The following SEC63 variants were observed in gnomAD, a reference collection of about 807,000 sequenced individuals.
The protein encoded by SEC63 is translocation protein SEC63 homolog.
Under a neutral mutation model 116.2 loss-of-function variants are expected in SEC63, and 56 were observed. The ratio of observed to expected loss-of-function variants is 0.48; its 90% CI spans 0.39 to 0.60. The LOEUF is 0.60. Ranked by LOEUF, SEC63 falls within the 20% of genes least tolerant of loss-of-function variation. The probability of loss-of-function intolerance (pLI) is 0.00; values close to 1 mark genes in which losing one functional copy is unlikely to be tolerated. For synonymous variants in SEC63, 273 were observed against 294.6 expected, an observed-to-expected ratio of 0.93 and a Z score of 0.75; for missense variants, 668 against 900.0, an observed-to-expected ratio of 0.74 and a Z score of 3.30.
intron 2 of SEC63, among the ~76,000 whole-genome samples, chr6:107,927,556 C>CCCTTAAT (rs1338632259): frequency 1.3e-5 from 2 of 152,174 alleles, no homozygotes; most frequent in African/African-American, 4.8e-5. Flanking sequence ...TACCTAAACT[C>CCCTTAAT]CCTTAATCTG....
chr6:107,928,836 T>C (rs893212899), intron 2 of SEC63, among the ~76,000 whole-genome samples: 1 of 152,214 alleles, frequency 6.6e-6, no homozygotes, highest in African/African-American at 2.4e-5. Flanking sequence ...CTGCTGTAAC[T>C]AAACATGTTA....
chr6:107,925,064 C>T, intron 2 of SEC63, 132 bp from the exon 3 acceptor site: 1 of 693,778 alleles, frequency 1.4e-6, no homozygotes. Flanking sequence ...ATTCTACAAT[C>T]ACTGGGTTAC....
At chr6:107,874,417 A>AC (rs1408847471) in intron 19 of SEC63, among the ~76,000 whole-genome samples, 1 of 152,010 alleles carries the variant, frequency 6.6e-6, no homozygotes, top group Admixed American at 6.6e-5. Flanking sequence ...ACACAGTGAA[A>AC]CCCCGTCTCT....
rs376045269 is a variant in SEC63 at position 107,899,350 on chromosome 6, C to T, written c.1358-1619G>A. Among the ~76,000 whole-genome samples, 5 of 152,248 alleles carry T rather than the reference C, an allele frequency of 3.3e-5. No individual in the cohort carries two copies. In the East Asian group the frequency reaches 5.8e-4, roughly 18 times the overall value. ...GGAGTGGATCCATGGTAATATTTGT[C>T]AGTGAGGCCGAACACTCTTAAATTT... On this transcript the variant is annotated intron_variant, in intron 13 of 20. Coordinates refer to ENST00000369002, the MANE Select transcript of SEC63 (RefSeq NM_007214.5).
At chr6:107,887,492 G>A (rs1296642448) in intron 16 of SEC63, among the ~76,000 whole-genome samples, 2 of 147,092 alleles carry the variant, frequency 1.4e-5, no homozygotes, top group African/African-American at 2.5e-5. Context: ...GTAAACTATT[G>A]CAAGAACAAA....
chr6:107,881,421 A>T (rs1474569565), intron 17 of SEC63, among the ~76,000 whole-genome samples, 171 bp from the exon 18 acceptor site: 1 of 152,122 alleles, frequency 6.6e-6, no homozygotes, highest in African/African-American at 2.4e-5. Context: ...TTTTAAATAT[A>T]TTAAATCTAA....
In SEC63 at chr6:107,957,942, A is replaced by G. The variant is rs1562346595; in HGVS notation, c.68T>C (p.Val23Ala). ...TGTCGCCGGGATCACGATGAGCCCC[A>G]CGAAGGAGGTGAGGAAGTAGAAGAA... The part of the protein sequence containing the change: ...NTFFYFLTSF[V>A]GLIVIPATYY... The change falls in exon 1 of 21, where the codon GTG becomes GCG. Residue 23 changes from valine to alanine, a missense_variant. Coordinates refer to ENST00000369002, the MANE Select transcript of SEC63 (RefSeq NM_007214.5). 1 of 1,613,360 alleles carries G rather than the reference A, an allele frequency of 6.2e-7. No homozygotes were observed. The highest frequency in any genetic ancestry group is 8.5e-7 in the Non-Finnish European group (1 of 1,179,576).
rs1770750941 is a variant in SEC63 at position 107,958,083 on chromosome 6, C to T, written c.-74G>A. ...CGCTCTGCACTCCCGCTCCCAACGC[C>T]CCGGCCCGAGTGGCGTAGCTTGGAC... On this transcript the variant is annotated 5_prime_UTR_variant, in exon 1 of 21. Transcript: ENST00000369002. The T allele has an allele frequency of 6.9e-6, 11 of 1,596,368 alleles. No individual in the cohort carries two copies. The highest frequency in any genetic ancestry group is 1.3e-5 in the African/African-American group (1 of 74,346).
chr6:107,914,947 C>G (rs532067378), intron 4 of SEC63, among the ~76,000 whole-genome samples: 1 of 152,126 alleles, frequency 6.6e-6, no homozygotes, highest in African/African-American at 2.4e-5. Flanking sequence ...ATTACATTAA[C>G]TCACTCATTA....
intron 4 of SEC63, among the ~76,000 whole-genome samples, chr6:107,920,556 T>C (rs971639183): frequency 2.0e-5 from 3 of 152,176 alleles, no homozygotes; most frequent in Non-Finnish European, 4.4e-5. Context: ...CAATATTTGC[T>C]TTATTGCAGG....
rs145703884 is a variant in SEC63, at chr6:107,899,689, A to G, written c.1357+1681T>C. ...AGCCCAGATAGTGCCACTGCACTTC[A>G]GCCTGGGCAACAGAGCAAGACTGTC... On this transcript the variant is annotated intron_variant, in intron 13 of 20. Transcript: ENST00000369002. Among the ~76,000 whole-genome samples, 1,054 of 151,290 alleles carry G rather than the reference A, an allele frequency of 7.0e-3. 14 individuals are homozygous for G. The highest frequency in any genetic ancestry group is 0.025 in the African/African-American group (1,024 of 41,122).
intron 1 of SEC63, among the ~76,000 whole-genome samples, chr6:107,953,807 C>G (rs7775281): frequency 9.2e-6 from 1 of 108,826 alleles, no homozygotes; most frequent in African/African-American, 3.7e-5. Flanking sequence ...GGTGTGAGCC[C>G]CCCGCCCGGC....
chr6:107,934,142 C>G (rs1248187708), intron 1 of SEC63, among the ~76,000 whole-genome samples: 1 of 151,936 alleles, frequency 6.6e-6, no homozygotes, highest in Non-Finnish European at 1.5e-5. Flanking sequence ...CCCGCCGCCA[C>G]CCCGTCTGGG....
In SEC63 at chr6:107,893,396, C is replaced by A. The variant is rs1786734945; in HGVS notation, c.1674+86G>T. On this transcript the variant is annotated intron_variant, in intron 16 of 20. Coordinates refer to ENST00000369002, the MANE Select transcript of SEC63 (RefSeq NM_007214.5). ...TCACGGGTGCATAAATTATGTAAAA[C>A]TTTTGAAGCTGTACACGTAAGACTT... is the stretch of plus-strand genomic sequence containing the variant. 2.1e-5 allele frequency: 28 copies of A among 1,354,930 alleles called. No individual in the cohort carries two copies. In the South Asian group the frequency reaches 2.9e-4, roughly 14 times the overall value. 83.9% of individuals were successfully genotyped at this position (1,354,930 alleles called of 1,614,324 possible). A position where few individuals can be genotyped will look rare whatever the true frequency, so the allele number is the denominator to read the frequency against.
chr6:107,902,436 T>C (rs923134728), intron 12 of SEC63, among the ~76,000 whole-genome samples: 7 of 152,176 alleles, frequency 4.6e-5, no homozygotes, highest in African/African-American at 1.2e-4. Flanking sequence ...GTTTATACTA[T>C]AGATTATATA....
intron 1 of SEC63, among the ~76,000 whole-genome samples, chr6:107,941,502 CAAAA>C (rs1252442185): frequency 8.6e-6 from 1 of 116,612 alleles, no homozygotes; most frequent in Non-Finnish European, 1.8e-5. Flanking sequence ...GACCGTGTCT[CAAAA>C]AAAAAAAAGG....
At chr6:107,911,318 A>C in intron 7 of SEC63, 28 bp downstream of exon 7, 1 of 1,516,606 alleles carries the variant, frequency 6.6e-7, no homozygotes, top group Non-Finnish European at 9.2e-7. Flanking sequence ...TTCCAAAAAA[A>C]ACATTAACTT....
At chr6:107,924,712 C>T (rs1395854102) in intron 3 of SEC63, 106 bp downstream of exon 3, 1 of 679,264 alleles carries the variant, frequency 1.5e-6, no homozygotes, top group Non-Finnish European at 2.7e-6. Context: ...ACAAACTGAC[C>T]AAAGTCTGAT....
chr6:107,928,054 C>A (rs916132365), intron 2 of SEC63, among the ~76,000 whole-genome samples: 1 of 151,958 alleles, frequency 6.6e-6, no homozygotes, highest in African/African-American at 2.4e-5. Context: ...AAATTTAATT[C>A]AAAATGAGAA....
Sources: gnomAD v4.1 joint callset for allele counts (sites outside exome capture counted in the v4.1 genomes callset) on GRCh38, gnomAD v4.1.1 for gene constraint, MANE v1.5 for transcripts, NCBI Gene and HGNC (gene_info 2026-07-23, HGNC 2026-07-21) for gene names.